ENO4: variants seen among roughly 807,000 people sequenced by gnomAD.
ENO4 encodes enolase 4.
In ENO4, 53 loss-of-function variants were observed where a neutral mutation model predicts 63.2. The observed-to-expected ratio is 0.84, with a 90% CI of 0.67 to 1.05. ENO4 has a LOEUF of 1.05. ENO4 is among the 50% of genes least tolerant of loss of function. The pLI, the probability that ENO4 is intolerant of heterozygous loss-of-function variation, is 0.00. For missense variants in ENO4, 719 were observed against 772.0 expected (o/e 0.93, Z 0.81); for synonymous variants, 266 against 283.8 (o/e 0.94, Z 0.63).
At chr10:116,875,347 C>G (rs1428962116) in intron 10 of ENO4, among the ~76,000 whole-genome samples, 3 of 151,928 alleles carry the variant, frequency 2.0e-5, no homozygotes, top group African/African-American at 7.3e-5. Flanking sequence ...TGTCCTGAGG[C>G]TCTGGTCATA....
chr10:116,855,014 A>G (rs1289792758), intron 1 of ENO4, among the ~76,000 whole-genome samples: 1 of 150,968 alleles, frequency 6.6e-6, no homozygotes, highest in Non-Finnish European at 1.5e-5. Flanking sequence ...AACTGAATTG[A>G]CTATAAGAAC....
Position 116,876,442 on chromosome 10 carries a change from C to T in ENO4, c.1537+182C>T, listed in dbSNP as rs370563186. Among the ~76,000 whole-genome samples, 6 of 152,354 alleles carry T rather than the reference C, an allele frequency of 3.9e-5. No homozygotes were observed. The East Asian group carries it at 7.7e-4, about 20-fold the overall frequency. ...GGCAGCTTACTGACTCCCTTCACTA[C>T]GTTCCACTAACAGCCCAATTCCAAG... On this transcript the variant is annotated intron_variant, in intron 11 of 13. Coordinates refer to ENST00000341276, the MANE Select transcript of ENO4 (RefSeq NM_001242699.2).
chr10:116,891,735 A>T (rs1164151116), intron 10 of ENO4, among the ~76,000 whole-genome samples: 1 of 151,954 alleles, frequency 6.6e-6, no homozygotes, highest in East Asian at 1.9e-4. Flanking sequence ...CTTGTCCAAA[A>T]CTTCACAAAT....
intron 10 of ENO4, among the ~76,000 whole-genome samples, chr10:116,875,561 T>TCACACACCACACACACACACA (rs1554902988): frequency 6.8e-6 from 1 of 147,908 alleles, no homozygotes; most frequent in Non-Finnish European, 1.5e-5. Context: ...TCCAGGCTGG[T>TCACACACCACACACACACACA]CACACACACA....
rs545390578 is a variant in ENO4, at chr10:116,873,888, G to C, written c.1216-188G>C. 6.8e-5 allele frequency: 67 copies of C among 984,684 alleles called. No homozygotes were observed. In the South Asian group the frequency reaches 3.1e-3, roughly 45 times the overall value. 61.0% of individuals were successfully genotyped at this position (984,684 alleles called of 1,614,324 possible). A position where few individuals can be genotyped will look rare whatever the true frequency, so the allele number is the denominator to read the frequency against. ...AGGGCATCAAAAGGAATGGTGACTT[G>C]ATTTCCCAGGTTAATATTTAAGATA... is the stretch of plus-strand genomic sequence containing the variant. On this transcript the variant is annotated intron_variant, in intron 9 of 13. Coordinates refer to ENST00000341276, the MANE Select transcript of ENO4 (RefSeq NM_001242699.2).
At chr10:116,900,407 A>C in intron 10 of ENO4, 1 of 782,094 alleles carries the variant, frequency 1.3e-6, no homozygotes. Context: ...CTGTCAATTC[A>C]ACACATATTT....
At chr10:116,849,805 G>C (rs1846011113) in intron 1 of ENO4, 74 bp downstream of exon 1, 1 of 1,407,732 alleles carries the variant, frequency 7.1e-7, no homozygotes, top group Non-Finnish European at 9.5e-7. Context: ...AACGCCTTGC[G>C]CCTGCGCCTG....
At chr10:116,886,587 CAA>C (rs748204859), downstream of ENO4, 1 of 1,607,672 alleles carries the variant, frequency 6.2e-7, no homozygotes, top group East Asian at 2.2e-5. Flanking sequence ...AAGAGTTAGA[CAA>C]AAAAAGTAAA....
At chr10:116,881,107 T>C (rs1482391112) in intron 13 of ENO4, among the ~76,000 whole-genome samples, 1 of 152,168 alleles carries the variant, frequency 6.6e-6, no homozygotes, top group Non-Finnish European at 1.5e-5. Context: ...ATTAAAATGT[T>C]GTCAATACTT....
At chr10:116,873,761 C>A in intron 9 of ENO4, 3 of 471,570 alleles carry the variant, frequency 6.4e-6, no homozygotes, top group Non-Finnish European at 8.3e-6. Context: ...TATTGTCCAT[C>A]TACGCAGGCA....
chr10:116,867,710 T>G (rs1217549160), intron 7 of ENO4, among the ~76,000 whole-genome samples: 2 of 152,240 alleles, frequency 1.3e-5, no homozygotes, highest in African/African-American at 2.4e-5. Flanking sequence ...TTTTTTGCTG[T>G]TGCAAGGCCC....
chr10:116,869,571 CG>C (rs1846635795), intron 8 of ENO4, among the ~76,000 whole-genome samples: 2 of 152,134 alleles, frequency 1.3e-5, no homozygotes, highest in Admixed American at 1.3e-4. Flanking sequence ...ACACATACAG[CG>C]GTAAGTAAAA....
chr10:116,901,077 T>A, intron 10 of ENO4: 1 of 985,410 alleles, frequency 1.0e-6, no homozygotes, highest in Non-Finnish European at 1.2e-6. Flanking sequence ...ATCTGATTTG[T>A]CTCACCTCTT....
chr10:116,852,411 G>T (rs559257476), intron 1 of ENO4, among the ~76,000 whole-genome samples: 1 of 152,204 alleles, frequency 6.6e-6, no homozygotes, highest in Non-Finnish European at 1.5e-5. Flanking sequence ...GAATGAGAGA[G>T]TTTTGGACTG....
At position 116,855,672 on chromosome 10, in the gene ENO4, T is replaced by C. The variant is rs562385642; in HGVS notation, c.215T>C (p.Val72Ala). ...AAGCCTCCCACCATATGCAAAATAG[T>C]GGGGAAAGACGTACTAGATGGACTG... ...LAKPPTICKIVGKDVLDGLGL... is the reference protein window; with the variant it reads ...LAKPPTICKIAGKDVLDGLGL... Residue 72 changes from valine to alanine, a missense_variant, in exon 2 of 14, where the codon GTG becomes GCG. Val to Ala is a moderately conservative substitution (Grantham distance 64). Coordinates refer to ENST00000341276, the MANE Select transcript of ENO4 (RefSeq NM_001242699.2). 6.7e-5 allele frequency: 103 copies of C among 1,536,356 alleles called. 2 individuals are homozygous for C. In the South Asian group the frequency reaches 1.1e-3, roughly 17 times the overall value.
In ENO4 at chr10:116,874,250, G is replaced by C. The variant is rs985303657; in HGVS notation, c.1341+49G>C. The C allele has an allele frequency of 4.2e-6, 6 of 1,414,126 alleles. No individual in the cohort carries two copies. In the Admixed American group the frequency reaches 1.3e-4, roughly 31 times the overall value. 87.6% of individuals were successfully genotyped at this position (1,414,126 alleles called of 1,614,324 possible). On this transcript the variant is annotated intron_variant, in intron 10 of 13. Transcript: ENST00000341276. ...TTATAACATATTTTATATGCCATAA[G>C]ATAGGCAGGACTCACCTTTTATATT...
Position 116,849,562 on chromosome 10 carries a change from C to T in ENO4, c.-5C>T, listed in dbSNP as rs952172927. 2.0e-6 allele frequency: 3 copies of T among 1,534,084 alleles called. No homozygotes were observed. The highest frequency in any genetic ancestry group is 4.9e-5 in the East Asian group (2 of 40,576). On this transcript the variant is annotated 5_prime_UTR_variant, in exon 1 of 14. Coordinates refer to ENST00000341276, the MANE Select transcript of ENO4 (RefSeq NM_001242699.2). ...AAACCCCGCTGTAGCCTTAAATCTC[C>T]TACCATGGAGGAAGAAGGCGGCGGC...
At chr10:116,864,443 C>A (rs1038715668) in intron 7 of ENO4, 4 of 151,690 alleles carry the variant, frequency 2.6e-5, no homozygotes, top group African/African-American at 9.7e-5. Flanking sequence ...CCATTGCACT[C>A]CAGCCTGGGC....
chr10:116,871,670 C>T (rs188143742), intron 9 of ENO4, among the ~76,000 whole-genome samples: 117 of 152,254 alleles, frequency 7.7e-4, no homozygotes, highest in African/African-American at 1.3e-3. Flanking sequence ...ATGTGATAGG[C>T]GCTTCCAGAC....
Sources: allele counts gnomAD v4.1 joint callset (sites outside exome capture counted in the v4.1 genomes callset), GRCh38; gene constraint gnomAD v4.1.1; transcripts MANE v1.5; gene names NCBI Gene and HGNC (gene_info 2026-07-23, HGNC 2026-07-21).